RGS6: variants seen among roughly 807,000 people sequenced by gnomAD.
RGS6 encodes the protein regulator of G protein signaling 6, also known as regulator of G-protein signaling 6.
Under a neutral mutation model 78.5 loss-of-function variants are expected in RGS6, and 30 were observed. The ratio of observed to expected loss-of-function variants is 0.38; its 90% CI spans 0.29 to 0.52. The LOEUF is 0.52. RGS6 is among the 20% of genes least tolerant of loss of function. The pLI is 0.85. For missense variants in RGS6, 495 were observed against 609.7 expected, an observed-to-expected ratio of 0.81 and a Z score of 1.98; for synonymous variants, 206 against 206.0, an observed-to-expected ratio of 1.00 and a Z score of 0.00.
At chr14:72,438,400 C>G (rs1307040045) in intron 3 of RGS6, among the ~76,000 whole-genome samples, 1 of 152,104 alleles carries the variant, frequency 6.6e-6, no homozygotes, top group African/African-American at 2.4e-5. Context: ...GCTCTCTCCC[C>G]ACAAATCCAG....
Position 72,132,844 on chromosome 14 carries a change from G to A in RGS6, c.84+167969G>A, listed in dbSNP as rs565825023. Among the ~76,000 whole-genome samples the A allele has an allele frequency of 1.6e-4, 24 of 150,664 alleles. No homozygotes were observed. In the South Asian group the frequency reaches 4.5e-3, roughly 28 times the overall value. ...CATAAGCTTCTGAAAAACTCTTTGA[G>A]GCCAGAGACTTGGCTTCATTGATCT... On this transcript the variant is annotated intron_variant, in intron 2 of 17. Transcript: ENST00000553525.
At chr14:72,026,039 C>T (rs768562855) in intron 2 of RGS6, among the ~76,000 whole-genome samples, 3 of 152,032 alleles carry the variant, frequency 2.0e-5, no homozygotes, top group African/African-American at 7.2e-5. Flanking sequence ...AGAGAATAGT[C>T]GAATAAAAAG....
chr14:72,086,735 G>T (rs2095055573), intron 2 of RGS6, among the ~76,000 whole-genome samples: 1 of 152,218 alleles, frequency 6.6e-6, no homozygotes, highest in African/African-American at 2.4e-5. Flanking sequence ...TTTGTTTGAA[G>T]ATATTCCCTG....
chr14:72,167,664 A>G (rs2096947689), intron 2 of RGS6, among the ~76,000 whole-genome samples: 1 of 152,228 alleles, frequency 6.6e-6, no homozygotes, highest in Non-Finnish European at 1.5e-5. Context: ...ATTACTATCA[A>G]AGCTTTAGGG....
chr14:72,410,818 A>G (rs1209190960), intron 3 of RGS6, among the ~76,000 whole-genome samples: 1 of 152,190 alleles, frequency 6.6e-6, no homozygotes, highest in African/African-American at 2.4e-5. Context: ...CCATTTATTA[A>G]ATAGGGAATC....
intron 2 of RGS6, among the ~76,000 whole-genome samples, chr14:72,305,683 C>T (rs559429478): frequency 2.0e-4 from 30 of 152,198 alleles, no homozygotes; most frequent in Non-Finnish European, 4.1e-4. Context: ...TTGCACATCT[C>T]TCTCCCTCTC....
intron 17 of RGS6, among the ~76,000 whole-genome samples, chr14:72,561,101 G>A (rs897392326): frequency 6.6e-6 from 1 of 152,078 alleles, no homozygotes; most frequent in African/African-American, 2.4e-5. Flanking sequence ...TTGTTTATTA[G>A]ATAAACCCGT....
At chr14:72,377,632 G>T (rs2085085540) in intron 3 of RGS6, among the ~76,000 whole-genome samples, 1 of 152,094 alleles carries the variant, frequency 6.6e-6, no homozygotes, top group African/African-American at 2.4e-5. Flanking sequence ...ACATTCTCCA[G>T]GCTTGACCGT....
At chr14:72,286,570 G>A (rs1395803557) in intron 2 of RGS6, among the ~76,000 whole-genome samples, 2 of 151,950 alleles carry the variant, frequency 1.3e-5, no homozygotes, top group African/African-American at 4.8e-5. Context: ...TTTTGATGGG[G>A]AAAGCATGGA....
intron 3 of RGS6, among the ~76,000 whole-genome samples, chr14:72,368,446 G>A (rs1443821463): frequency 6.6e-6 from 1 of 152,048 alleles, no homozygotes; most frequent in Non-Finnish European, 1.5e-5. Flanking sequence ...TTTTGGAGGG[G>A]ACATCCAAAC....
chr14:72,258,036 C>T (rs2057417121), intron 2 of RGS6, among the ~76,000 whole-genome samples: 1 of 152,218 alleles, frequency 6.6e-6, no homozygotes, highest in African/African-American at 2.4e-5. Context: ...ATTGGAACCA[C>T]ACCATAATTC....
chr14:72,088,262 C>G (rs955190945), intron 2 of RGS6, among the ~76,000 whole-genome samples: 9 of 152,244 alleles, frequency 5.9e-5, no homozygotes, highest in African/African-American at 2.2e-4. Flanking sequence ...AAATGCATCA[C>G]TCATTTGAAT....
At chr14:71,929,677 T>C (rs1359945324), upstream of RGS6, among the ~76,000 whole-genome samples, 1 of 152,226 alleles carries the variant, frequency 6.6e-6, no homozygotes, top group East Asian at 1.9e-4. Context: ...TTTTAGCATT[T>C]ATTGATGATT....
chr14:71,909,721 C>T, the RGS6 span, among the ~76,000 whole-genome samples: 1 of 152,064 alleles, frequency 6.6e-6, no homozygotes, highest in Non-Finnish European at 1.5e-5. Context: ...CAGAGCTGCA[C>T]TCCGAAAGCT....
chr14:72,288,125 T>A (rs1415704444), intron 2 of RGS6, among the ~76,000 whole-genome samples: 1 of 152,222 alleles, frequency 6.6e-6, no homozygotes, highest in Non-Finnish European at 1.5e-5. Flanking sequence ...TTGGAAGTGC[T>A]TTCTCTCCTT....
At chr14:72,295,328 T>C (rs1261337166) in intron 2 of RGS6, among the ~76,000 whole-genome samples, 1 of 149,732 alleles carries the variant, frequency 6.7e-6, no homozygotes, top group East Asian at 2.0e-4. Flanking sequence ...TCAAATAAAA[T>C]CTTATCTAGA....
At chr14:72,264,177 G>A (rs1244238911) in intron 2 of RGS6, among the ~76,000 whole-genome samples, 1 of 152,206 alleles carries the variant, frequency 6.6e-6, no homozygotes, top group Non-Finnish European at 1.5e-5. Context: ...CGTAATTTCA[G>A]AATTGTAAAC....
intron 2 of RGS6, among the ~76,000 whole-genome samples, chr14:72,012,688 C>T (rs1236957110): frequency 2.0e-5 from 3 of 152,152 alleles, no homozygotes; most frequent in African/African-American, 4.8e-5. Context: ...CCTTTGTTGT[C>T]TGTCTCTAAG....
At chr14:72,365,553 C>T (rs547254379) in intron 3 of RGS6, among the ~76,000 whole-genome samples, 1 of 152,260 alleles carries the variant, frequency 6.6e-6, no homozygotes, top group African/African-American at 2.4e-5. Context: ...CTTGACTTTC[C>T]ATCTCACAAA....
Sources: allele counts gnomAD v4.1 joint callset (sites outside exome capture counted in the v4.1 genomes callset), GRCh38; gene constraint gnomAD v4.1.1; transcripts MANE v1.5; gene names NCBI Gene and HGNC (gene_info 2026-07-23, HGNC 2026-07-21).